Variants in CATSPERE observed in about 807,000 individuals in gnomAD.
The protein encoded by CATSPERE is catsper channel auxiliary subunit epsilon.
In CATSPERE, 93 loss-of-function variants were observed where a neutral mutation model predicts 114.1. The ratio of observed to expected loss-of-function variants is 0.81; its 90% confidence interval spans 0.69 to 0.97. The LOEUF is 0.97. Among genes scored for constraint, CATSPERE ranks in the 50% least tolerant of loss-of-function variants. The probability of loss-of-function intolerance (pLI) is 0.00; values close to 1 mark genes in which losing one functional copy is unlikely to be tolerated. For synonymous variants in CATSPERE, 341 were observed against 384.1 expected (o/e 0.89, Z 1.31); for missense variants, 1,058 against 1,131.6 (o/e 0.93, Z 0.93).
At chr1:244,615,840 G>A (rs1229521646) in intron 19 of CATSPERE, among the ~76,000 whole-genome samples, 5 of 150,714 alleles carry the variant, frequency 3.3e-5, no homozygotes, top group Non-Finnish European at 5.9e-5. Flanking sequence ...CAGGCCAAAT[G>A]TTGTGGCTCA....
intron 11 of CATSPERE, among the ~76,000 whole-genome samples, chr1:244,581,591 T>C (rs561542398): frequency 1.2e-3 from 184 of 152,358 alleles, no homozygotes; most frequent in Non-Finnish European, 2.3e-3. Context: ...TATTTTATTA[T>C]ATTTGCGTAC....
chr1:244,494,558 A>T (rs1004328815), intron 6 of CATSPERE, among the ~76,000 whole-genome samples: 1 of 151,758 alleles, frequency 6.6e-6, no homozygotes, highest in South Asian at 2.1e-4. Context: ...CATATGTAAC[A>T]AACCTGCACA....
intron 8 of CATSPERE, among the ~76,000 whole-genome samples, chr1:244,522,773 A>C (rs1406527340): frequency 2.0e-5 from 3 of 152,176 alleles, no homozygotes; most frequent in Non-Finnish European, 4.4e-5. Flanking sequence ...CACTCTCCCA[A>C]GACTAAACCA....
intron 17 of CATSPERE, among the ~76,000 whole-genome samples, chr1:244,604,280 C>T (rs986763168): frequency 6.6e-6 from 1 of 152,238 alleles, no homozygotes; most frequent in African/African-American, 2.4e-5. Context: ...TGTTTGAGAA[C>T]TAACCTTCTG....
chr1:244,575,949 C>T lies in CATSPERE; in HGVS notation c.1950+3177C>T, dbSNP rs1167755926. The stretch of plus-strand genomic sequence containing the variant: ...TACTTCACCGCCTCCCATGGCTTTT[C>T]TTTCCTTAGTCCTGACTAAGGAATG... On this transcript the variant is annotated intron_variant, in intron 11 of 21. Transcript: ENST00000366534. The surrounding 1 kb of genome is among the most constrained non-coding windows in gnomAD (Gnocchi z 4.5). 6.6e-6 allele frequency among the ~76,000 whole-genome samples: 1 copy of T among 152,136 alleles called. No homozygotes were observed. The highest frequency in any genetic ancestry group is 1.9e-4 in the East Asian group (1 of 5,194).
chr1:244,618,954 A>T (rs2653148), intron 20 of CATSPERE, among the ~76,000 whole-genome samples: 55,845 of 151,944 alleles, frequency 0.37, 10,428 homozygotes, highest in East Asian at 0.42. Flanking sequence ...AAAGAAGGAA[A>T]CGATATAGTT....
chr1:244,622,568 TA>T (rs1672541651), intron 20 of CATSPERE, among the ~76,000 whole-genome samples: 1 of 152,110 alleles, frequency 6.6e-6, no homozygotes, highest in Non-Finnish European at 1.5e-5. Flanking sequence ...CACGCCCGGC[TA>T]ATTTTTGTGT....
At chr1:244,614,742 C>T (rs2813909) in intron 19 of CATSPERE, among the ~76,000 whole-genome samples, 34,903 of 152,084 alleles carry the variant, frequency 0.23, 4,330 homozygotes, top group African/African-American at 0.33. Context: ...GCTCCAATCA[C>T]ACTTGTGGTT....
At chr1:244,611,446 T>A (rs985363106) in intron 19 of CATSPERE, among the ~76,000 whole-genome samples, 1 of 150,684 alleles carries the variant, frequency 6.6e-6, no homozygotes, top group Non-Finnish European at 1.5e-5. Context: ...AAAAAAAAAA[T>A]GAGCTGGGCC....
chr1:244,588,305 GA>G (rs1249460168), intron 13 of CATSPERE, among the ~76,000 whole-genome samples, 176 bp from the exon 14 acceptor site: 12 of 142,462 alleles, frequency 8.4e-5, no homozygotes, highest in East Asian at 4.0e-4. Context: ...AGGAAGGAAA[GA>G]AAAAAAAAAG....
intron 6 of CATSPERE, among the ~76,000 whole-genome samples, chr1:244,498,225 T>A (rs1276188335): frequency 6.6e-6 from 1 of 152,204 alleles, no homozygotes; most frequent in African/African-American, 2.4e-5. Context: ...AAAATAACTT[T>A]AGATGATGAA....
Position 244,517,469 on chromosome 1 carries a change from C to A in CATSPERE, c.430-1123C>A, listed in dbSNP as rs578229300. 5.3e-5 allele frequency among the ~76,000 whole-genome samples: 8 copies of A among 151,832 alleles called. No individual in the cohort carries two copies. The South Asian group carries it at 6.2e-4, about 12-fold the overall frequency. Reference sequence around the variant, plus strand: ...TTATTTATTAGGCAAACCTGTATTTCTCTATAAACATCATCAAATGGGCTG... The same window carrying A: ...TTATTTATTAGGCAAACCTGTATTTATCTATAAACATCATCAAATGGGCTG... On this transcript the variant is annotated intron_variant, in intron 7 of 21. Coordinates refer to ENST00000366534, the MANE Select transcript of CATSPERE (RefSeq NM_001130957.2).
At chr1:244,542,287 C>T (rs887214761) in intron 8 of CATSPERE, among the ~76,000 whole-genome samples, 4 of 152,116 alleles carry the variant, frequency 2.6e-5, no homozygotes, top group Admixed American at 6.5e-5. Context: ...ACAACACCAA[C>T]AGCTGAGTGG....
intron 13 of CATSPERE, among the ~76,000 whole-genome samples, chr1:244,587,209 C>T (rs4562602): frequency 0.82 from 124,642 of 152,220 alleles, 51,120 homozygotes; most frequent in East Asian, 0.87. Context: ...CATGAAATTC[C>T]ATTTTAATTT....
rs781015622 is a variant in CATSPERE, at chr1:244,479,835, C to T, written c.326+51C>T. On this transcript the variant is annotated intron_variant, in intron 5 of 21. Transcript: ENST00000366534. The stretch of plus-strand genomic sequence containing the variant: ...AATTATGCTTTTAAAGAGTATTTAG[C>T]TTCAACTTTTAATTAGCCACAAATA... The T allele has an allele frequency of 8.7e-5, 89 of 1,026,152 alleles. No individual in the cohort carries two copies. In the East Asian group the frequency reaches 8.7e-4, roughly 10 times the overall value. 63.6% of individuals were successfully genotyped at this position (1,026,152 alleles called of 1,614,324 possible). A position where few individuals can be genotyped will look rare whatever the true frequency, so the allele number is the denominator to read the frequency against.
intron 20 of CATSPERE, among the ~76,000 whole-genome samples, chr1:244,629,630 G>T (rs890284716): frequency 6.8e-6 from 1 of 147,542 alleles, no homozygotes; most frequent in African/African-American, 2.5e-5. Context: ...CAGCAGGCTT[G>T]GCATTGTCTC....
intron 12 of CATSPERE, among the ~76,000 whole-genome samples, chr1:244,582,407 C>CTT (rs67153115): frequency 0.18 from 26,426 of 143,106 alleles, 3,522 homozygotes; most frequent in East Asian, 0.41. Flanking sequence ...TTTTCTTTTT[C>CTT]TTTTTTTTTT....
chr1:244,589,790 G>C (rs1667489525), intron 14 of CATSPERE, among the ~76,000 whole-genome samples: 1 of 152,214 alleles, frequency 6.6e-6, no homozygotes, highest in African/African-American at 2.4e-5. Context: ...GTTTCTAGAA[G>C]GGTCCGAATA....
chr1:244,471,194 A>G (rs1008443182), intron 2 of CATSPERE, among the ~76,000 whole-genome samples: 18 of 152,326 alleles, frequency 1.2e-4, no homozygotes, highest in African/African-American at 4.3e-4. Context: ...AAAAACCATA[A>G]CCGTAATACT....
Sources: allele counts gnomAD v4.1 joint callset (sites outside exome capture counted in the v4.1 genomes callset), GRCh38; gene constraint gnomAD v4.1.1; non-coding constraint Gnocchi (gnomAD v3.1); transcripts MANE v1.5; gene names NCBI Gene and HGNC (gene_info 2026-07-23, HGNC 2026-07-21).